Variants in MIA2 observed in about 807,000 individuals in gnomAD.
The protein encoded by MIA2 is MIA SH3 domain ER export factor 2, also known as melanoma inhibitory activity protein 2.
In MIA2, 127 loss-of-function variants were observed where a neutral mutation model predicts 167.8. The ratio of observed to expected loss-of-function variants is 0.76; its 90% confidence interval spans 0.66 to 0.88. MIA2 has a LOEUF of 0.88. Ranked by LOEUF, MIA2 falls within the 40% of genes least tolerant of loss-of-function variation. The pLI, the probability that MIA2 is intolerant of heterozygous loss-of-function variation, is 0.00. For synonymous variants in MIA2, 552 were observed against 541.9 expected, an observed-to-expected ratio of 1.02 and a Z score of -0.26; for missense variants, 1,690 against 1,624.7, an observed-to-expected ratio of 1.04 and a Z score of -0.69.
intron 23 of MIA2, among the ~76,000 whole-genome samples, chr14:39,360,831 A>G (rs891131866): frequency 6.6e-6 from 1 of 152,196 alleles, no homozygotes; most frequent in African/African-American, 2.4e-5. Context: ...AGTTTAATCC[A>G]TATGGTGAGA....
chr14:39,345,321 G>A (rs570671939), intron 25 of MIA2, among the ~76,000 whole-genome samples: 13 of 152,180 alleles, frequency 8.5e-5, no homozygotes, highest in South Asian at 4.2e-4. Context: ...TGATCCACCC[G>A]CTTCGGCCTC....
At position 39,281,453 on chromosome 14, in the gene MIA2, T is replaced by G. The variant is rs116067985; in HGVS notation, c.2130+1916T>G. Among the ~76,000 whole-genome samples the G allele has an allele frequency of 7.7e-3, 1,177 of 152,282 alleles. 14 individuals carry two copies. Among genetic ancestry groups the G allele is most frequent in the African/African-American group, 0.026 (1,074 of 41,562 alleles). ...TGCCAATAGTTTTCACTTATGCCTATAATCATCTTTTAAACCATCCATTGA... is the reference window on the plus strand; with the variant it reads ...TGCCAATAGTTTTCACTTATGCCTAGAATCATCTTTTAAACCATCCATTGA... On this transcript the variant is annotated intron_variant, in intron 9 of 28. Transcript: ENST00000640607.
intron 10 of MIA2, chr14:39,292,554 T>A (rs2060876078): frequency 6.2e-6 from 1 of 161,388 alleles, no homozygotes; most frequent in African/African-American, 2.4e-5. Flanking sequence ...GAATGAAATA[T>A]TCAAATTTGG....
chr14:39,288,432 C>CAT lies in MIA2; in HGVS notation c.2131-2544_2131-2543dup, dbSNP rs759995143. Among the ~76,000 whole-genome samples the CAT allele has an allele frequency of 2.3e-3, 120 of 52,872 alleles. 2 individuals are homozygous for CAT. The highest frequency in any genetic ancestry group is 4.5e-3 in the South Asian group (5 of 1,116). 34.7% of individuals were successfully genotyped at this position (52,872 alleles called of 152,430 possible). A position where few individuals can be genotyped will look rare whatever the true frequency, so the allele number is the denominator to read the frequency against. ...TTGATTTGAGCGTGTATATATTATACATATATATATATATATATATATATA... is the reference window on the plus strand; with the variant it reads ...TTGATTTGAGCGTGTATATATTATACATATATATATATATATATATATATATA... On this transcript the variant is annotated intron_variant, in intron 9 of 28. Coordinates refer to ENST00000640607, the MANE Select transcript of MIA2 (RefSeq NM_001329214.4).
At chr14:39,294,190 A>AT (rs34805892) in intron 12 of MIA2, 119 bp downstream of exon 12, 25,707 of 505,588 alleles carry the variant, frequency 0.051, 8 homozygotes, top group East Asian at 0.099. Flanking sequence ...CCAGATATGT[A>AT]TTTTTTTTTT....
At chr14:39,339,067 G>C (rs968207714) in intron 25 of MIA2, among the ~76,000 whole-genome samples, 2 of 152,184 alleles carry the variant, frequency 1.3e-5, no homozygotes, top group South Asian at 2.1e-4. Context: ...GTTCACTTCA[G>C]ATCATCAGGC....
At position 39,319,260 on chromosome 14, in the gene MIA2, A is replaced by C; in HGVS notation, c.3336A>C (p.Ala1112=). The C allele has an allele frequency of 3.2e-6, 5 of 1,563,262 alleles. No individual in the cohort carries two copies. Among genetic ancestry groups the C allele is most frequent in the Non-Finnish European group, 4.3e-6 (5 of 1,153,118 alleles). ...KFELLEKDPY[A]LDVPNTAFGR... ...AACTTTTAGAAAAAGATCCTTATGC[A>C]CTCGATGTTCCAAATACAGCATTTG... Residue 1112 remains alanine (A), a synonymous_variant, in exon 23 of 29, where the codon GCA becomes GCC. Transcript: ENST00000640607.
At position 39,299,899 on chromosome 14, in the gene MIA2, G is replaced by A. The variant is rs189857951; in HGVS notation, c.2532G>A (p.Val844=). 8.6e-5 allele frequency: 138 copies of A among 1,608,782 alleles called. 1 individual carries two copies. In the Admixed American group the frequency reaches 1.8e-3, roughly 21 times the overall value. ...AAGCTGAAGTATGGAAAGAACAAGT[G>A]AGTGAACTTAATAAACAGAAAGTAA... ...LQEAEVWKEQ[V]SELNKQKVTF... is the part of the protein sequence containing the mutation. Residue 844 remains valine (V), a synonymous_variant, in exon 14 of 29, where the codon GTG becomes GTA. Coordinates refer to ENST00000640607, the MANE Select transcript of MIA2 (RefSeq NM_001329214.4).
Position 39,313,454 on chromosome 14 carries a change from T to A in MIA2, c.3119+13T>A. On this transcript the variant is annotated intron_variant, in intron 19 of 28. Transcript: ENST00000640607. ...TGGAGACCTATAGGTATTAAATACA[T>A]TTTTCTGGTTTCTTTTTTGGAATGG... 2 of 1,459,764 alleles carry A rather than the reference T, an allele frequency of 1.4e-6. No individual in the cohort carries two copies. The highest frequency in any genetic ancestry group is 1.9e-6 in the Non-Finnish European group (2 of 1,080,402). The allele number at this position is 1,459,764 out of a possible 1,614,324, so 90.4% of individuals were successfully genotyped here. A position where few individuals can be genotyped will look rare whatever the true frequency, so the allele number is the denominator to read the frequency against.
intron 25 of MIA2, among the ~76,000 whole-genome samples, chr14:39,342,310 C>T (rs916778110): frequency 6.6e-6 from 1 of 151,976 alleles, no homozygotes; most frequent in Admixed American, 6.6e-5. Context: ...TGGTTTCCAG[C>T]TTCATCCATG....
At chr14:39,259,698 G>GTTTTTTTTTTTTTTTTTTTTTTTTTTT (rs10556014) in intron 6 of MIA2, among the ~76,000 whole-genome samples, 1 of 115,374 alleles carries the variant, frequency 8.7e-6, no homozygotes, top group African/African-American at 3.5e-5. Context: ...GCCTGGCTAG[G>GTTTTTTTTTTTTTTTTTTTTTTTTTTT]TTTTTTTTTT....
At chr14:39,356,305 T>C (rs913460494), downstream of MIA2, among the ~76,000 whole-genome samples, 1 of 152,248 alleles carries the variant, frequency 6.6e-6, no homozygotes, top group Non-Finnish European at 1.5e-5. Flanking sequence ...TTGAGGAATT[T>C]ATCCATTTCT....
At chr14:39,241,257 C>G (rs1232525441) in intron 3 of MIA2, among the ~76,000 whole-genome samples, 2 of 152,110 alleles carry the variant, frequency 1.3e-5, no homozygotes, top group African/African-American at 4.8e-5. Flanking sequence ...ACTTGGTTAG[C>G]TCATTTAATT....
intron 22 of MIA2, among the ~76,000 whole-genome samples, chr14:39,318,233 C>T (rs2065838309): frequency 6.6e-6 from 1 of 151,996 alleles, no homozygotes. Context: ...GATTATTCTG[C>T]AAAAAGTATA....
At position 39,247,938 on chromosome 14, in the gene MIA2, C is replaced by A. The variant is rs1233324696; in HGVS notation, c.1364C>A (p.Pro455Gln). 1 of 1,597,982 alleles carries A rather than the reference C, an allele frequency of 6.3e-7. No homozygotes were observed. Among genetic ancestry groups the A allele is most frequent in the Admixed American group, 1.8e-5 (1 of 55,194 alleles). The change falls in exon 4 of 29, where the codon CCA becomes CAA. Residue 455 changes from proline (P) to glutamine (Q), a missense_variant. Pro to Gln is a moderately conservative substitution (Grantham distance 76). Coordinates refer to ENST00000640607, the MANE Select transcript of MIA2 (RefSeq NM_001329214.4). ...AAAACAGACGAATCTGATACTATAC[C>A]ATATTTGAAAAAGTTCTTGTATAAT... Reference protein sequence around the residue: ...SEKTDESDTIPYLKKFLYNFD... With the variant: ...SEKTDESDTIQYLKKFLYNFD...
At chr14:39,338,104 G>C (rs2070865286) in intron 25 of MIA2, among the ~76,000 whole-genome samples, 1 of 152,134 alleles carries the variant, frequency 6.6e-6, no homozygotes, top group Non-Finnish European at 1.5e-5. Flanking sequence ...AGTGGGGAGG[G>C]GAGTGGGTAT....
chr14:39,354,781 C>G (rs1440627932), downstream of MIA2, among the ~76,000 whole-genome samples: 1 of 152,164 alleles, frequency 6.6e-6, no homozygotes, highest in African/African-American at 2.4e-5. Flanking sequence ...CTACATATGG[C>G]TAGCCAGTTT....
At chr14:39,266,405 TC>T in intron 6 of MIA2, 1 of 985,430 alleles carries the variant, frequency 1.0e-6, no homozygotes, top group Non-Finnish European at 1.2e-6. Flanking sequence ...GCTCCTCTTC[TC>T]GGAGGAAAAC....
intron 25 of MIA2, among the ~76,000 whole-genome samples, chr14:39,340,894 C>G (rs776302773): frequency 1.4e-4 from 21 of 152,062 alleles, no homozygotes; most frequent in Non-Finnish European, 2.5e-4. Flanking sequence ...CCTGAAGAGA[C>G]TAGGTTGTGG....
Sources: gnomAD v4.1 joint callset for allele counts (sites outside exome capture counted in the v4.1 genomes callset) on GRCh38, gnomAD v4.1.1 for gene constraint, MANE v1.5 for transcripts, NCBI Gene and HGNC (gene_info 2026-07-23, HGNC 2026-07-21) for gene names.